The following PPFIA4 variants were observed in gnomAD, a reference collection of about 807,000 sequenced individuals.
The protein encoded by PPFIA4 is liprin-alpha-4.
A neutral mutation model predicts 145.7 loss-of-function variants in PPFIA4; 98 were observed. That is an observed-to-expected ratio of 0.67 (90% confidence interval 0.57 to 0.80). PPFIA4 has a LOEUF of 0.80. PPFIA4 is among the 30% of genes least tolerant of loss of function. The pLI, the probability that PPFIA4 is intolerant of heterozygous loss-of-function variation, is 0.00. For missense variants in PPFIA4, 1,457 were observed against 1,632.7 expected (o/e 0.89, Z 1.85); for synonymous variants, 628 against 649.6 (o/e 0.97, Z 0.51).
intron 7 of PPFIA4, 23 bp from the exon 8 acceptor site, chr1:203,045,818 C>T: frequency 6.2e-7 from 1 of 1,612,768 alleles, no homozygotes; most frequent in Admixed American, 1.7e-5. Context: ...GGTTACCGTC[C>T]TTCTTGTCCC....
At chr1:203,061,458 T>G (rs1442508553) in intron 23 of PPFIA4, 194 bp from the exon 24 acceptor site, 1 of 563,070 alleles carries the variant, frequency 1.8e-6, no homozygotes, top group African/African-American at 1.9e-5. Flanking sequence ...CACACACATT[T>G]GCCCCACCTC....
chr1:203,048,253 G>A lies in PPFIA4; in HGVS notation c.1167G>A (p.Glu389=). The A allele has an allele frequency of 6.2e-7, 1 of 1,612,864 alleles. No individual in the cohort carries two copies. ...CTGAAGAACGGCATGGCAACATTGA[G>A]GAGCACCTGCGGCAGCTGGAGGGAC... ...TKAEERHGNI[E]EHLRQLEGQL... Residue 389 remains glutamate (E), a synonymous_variant, in exon 10 of 30, where the codon GAG becomes GAA. Coordinates refer to ENST00000295706, the MANE Select transcript of PPFIA4 (RefSeq NM_001304331.2). This position sits in a 1 kb window ranked among gnomAD's most constrained non-coding sequence, Gnocchi z 5.8.
At position 203,067,809 on chromosome 1, in the gene PPFIA4, T is replaced by C; in HGVS notation, c.3148+17T>C. ...AGATCAAGGGTAAGCTCGTCAGGCT[T>C]GGAGAGGGTTCGGGAGCAGCCTGCT... On this transcript the variant is annotated intron_variant, in intron 26 of 29. Coordinates refer to ENST00000295706, the MANE Select transcript of PPFIA4 (RefSeq NM_001304331.2). The C allele has an allele frequency of 6.2e-7, 1 of 1,612,298 alleles. No homozygotes were observed. Among genetic ancestry groups the C allele is most frequent in the Non-Finnish European group, 8.5e-7 (1 of 1,178,976 alleles).
Position 203,055,082 on chromosome 1 carries a change from C to T in PPFIA4, c.1830-350C>T, listed in dbSNP as rs1254118271. 2.6e-5 allele frequency among the ~76,000 whole-genome samples: 4 copies of T among 152,234 alleles called. No homozygotes were observed. The highest frequency in any genetic ancestry group is 5.9e-5 in the Non-Finnish European group (4 of 68,048). On this transcript the variant is annotated intron_variant, in intron 15 of 29. Coordinates refer to ENST00000295706, the MANE Select transcript of PPFIA4 (RefSeq NM_001304331.2). This position sits in a 1 kb window ranked among gnomAD's most constrained non-coding sequence, Gnocchi z 4.8. ...AAGTCCTACACTTGGAAACTGCTGA[C>T]TTATACCACTTCAGACATAGCATAT...
chr1:203,044,345 C>T, intron 4 of PPFIA4, 34 bp from the exon 5 acceptor site: 2 of 1,544,638 alleles, frequency 1.3e-6, no homozygotes, highest in Non-Finnish European at 1.8e-6. Context: ...GTGGGGTCCC[C>T]CTTTCTTCCT....
chr1:203,044,163 CTGAGATTT>C, intron 4 of PPFIA4, 68 bp downstream of exon 4: 2 of 1,473,038 alleles, frequency 1.4e-6, no homozygotes, highest in Non-Finnish European at 1.8e-6. Context: ...TATCCCTTCT[CTGAGATTT>C]CCACATCCGG....
chr1:203,075,990 ACTGGAGACCTCC>A lies in PPFIA4; in HGVS notation c.3574+234_3574+245del. On this transcript the variant is annotated intron_variant, in intron 29 of 29. Transcript: ENST00000295706. The surrounding 1 kb of genome is among the most constrained non-coding windows in gnomAD (Gnocchi z 4.1). ...CAGCTGGGACGGCGGGGTCGCAGAG[ACTGGAGACCTCC>A]ACGGTTCGGACCTACTCCTGCTGAC... 1 of 529,754 alleles carries A rather than the reference ACTGGAGACCTCC, an allele frequency of 1.9e-6. No homozygotes were observed. The allele number at this position is 529,754 out of a possible 1,614,324, so 32.8% of individuals were successfully genotyped here. A position where few individuals can be genotyped will look rare whatever the true frequency, so the allele number is the denominator to read the frequency against.
At chr1:203,067,941 T>C in intron 26 of PPFIA4, 149 bp downstream of exon 26, 1 of 674,540 alleles carries the variant, frequency 1.5e-6, no homozygotes, top group South Asian at 1.8e-5. Context: ...GCTCCCAGTC[T>C]GATGGAGGAG....
At chr1:203,045,347 C>G in intron 6 of PPFIA4, 21 bp from the exon 7 acceptor site, 1 of 1,550,014 alleles carries the variant, frequency 6.5e-7, no homozygotes, top group Non-Finnish European at 8.7e-7. Flanking sequence ...ACTCACAGAG[C>G]TACTGTCCCT....
intron 2 of PPFIA4, among the ~76,000 whole-genome samples, chr1:203,041,114 A>G (rs929977563): frequency 3.3e-5 from 5 of 152,198 alleles, no homozygotes; most frequent in African/African-American, 1.2e-4. Context: ...ATGGGCTTTG[A>G]AGGATGATTA....
chr1:203,051,998 A>T, intron 14 of PPFIA4, 121 bp downstream of exon 14: 1 of 1,086,500 alleles, frequency 9.2e-7, no homozygotes, highest in Non-Finnish European at 1.3e-6. Context: ...CGTGTCAATG[A>T]CAGCTGCAGC....
intron 1 of PPFIA4, among the ~76,000 whole-genome samples, chr1:203,027,417 A>G (rs1177133164): frequency 6.6e-6 from 1 of 152,096 alleles, no homozygotes; most frequent in Non-Finnish European, 1.5e-5. Flanking sequence ...TTTCTTCGAG[A>G]AGGAGGAGGG....
At chr1:203,042,412 C>T (rs1345930071) in intron 2 of PPFIA4, among the ~76,000 whole-genome samples, 2 of 152,172 alleles carry the variant, frequency 1.3e-5, no homozygotes, top group Non-Finnish European at 2.9e-5. Context: ...GCCTTGGCAT[C>T]AGGAGCTGGG....
chr1:203,055,742 A>G lies in PPFIA4; in HGVS notation c.2070+70A>G. On this transcript the variant is annotated intron_variant, in intron 16 of 29. Coordinates refer to ENST00000295706, the MANE Select transcript of PPFIA4 (RefSeq NM_001304331.2). The surrounding 1 kb of genome is among the most constrained non-coding windows in gnomAD (Gnocchi z 4.8). ...ACCGGGGGAGGTTTTAAGGGATGGT[A>G]GGACTCACGTGCTCTCAGCTGGGCC... 1.3e-6 allele frequency: 2 copies of G among 1,594,542 alleles called. No homozygotes were observed. Among genetic ancestry groups the G allele is most frequent in the Non-Finnish European group, 1.7e-6 (2 of 1,167,902 alleles).
chr1:203,065,224 C>T (rs1017259867), intron 25 of PPFIA4, among the ~76,000 whole-genome samples: 4 of 152,182 alleles, frequency 2.6e-5, no homozygotes, highest in African/African-American at 9.7e-5. Flanking sequence ...CTTGGCACTG[C>T]ACAGAGCCTC....
chr1:203,044,251 G>A (rs775418294), intron 4 of PPFIA4, 128 bp from the exon 5 acceptor site: 214 of 1,161,572 alleles, frequency 1.8e-4, no homozygotes, highest in Non-Finnish European at 2.4e-4. Flanking sequence ...GCTCCCTCCT[G>A]CAAATGTGCT....
At chr1:203,039,470 A>G (rs1250896197) in intron 2 of PPFIA4, among the ~76,000 whole-genome samples, 3 of 152,238 alleles carry the variant, frequency 2.0e-5, no homozygotes, top group South Asian at 2.1e-4. Context: ...AAACGCAGCC[A>G]TAGGTGTCAG....
intron 1 of PPFIA4, among the ~76,000 whole-genome samples, chr1:203,032,583 C>T (rs547617589): frequency 7.3e-5 from 11 of 150,220 alleles, no homozygotes; most frequent in Admixed American, 2.7e-4. Flanking sequence ...AGTCTGTAGA[C>T]GCATGCCGCT....
intron 2 of PPFIA4, among the ~76,000 whole-genome samples, chr1:203,039,977 C>A (rs1247924581): frequency 6.6e-6 from 1 of 152,200 alleles, no homozygotes; most frequent in Non-Finnish European, 1.5e-5. Context: ...ACCACTGCAC[C>A]TATTTCTCCC....
Sources: allele counts gnomAD v4.1 joint callset (sites outside exome capture counted in the v4.1 genomes callset), GRCh38; gene constraint gnomAD v4.1.1; non-coding constraint Gnocchi (gnomAD v3.1); transcripts MANE v1.5; gene names NCBI Gene and HGNC (gene_info 2026-07-23, HGNC 2026-07-21).